DCPS: variants seen among roughly 807,000 people sequenced by gnomAD.
DCPS encodes decapping enzyme, scavenger, also known as m7GpppX diphosphatase.
DCPS carries 27 observed loss-of-function variants against 34.7 expected under a neutral mutation model. The observed-to-expected ratio is 0.78, with a 90% CI of 0.57 to 1.07. The LOEUF is 1.07. DCPS is among the 50% of genes least tolerant of loss of function. The pLI is 0.00. For synonymous variants in DCPS, 185 were observed against 185.7 expected (o/e 1.00, Z 0.03); for missense variants, 464 against 436.9 (o/e 1.06, Z -0.55).
intron 2 of DCPS, among the ~76,000 whole-genome samples, chr11:126,324,915 G>T (rs540030604): frequency 6.6e-6 from 1 of 152,254 alleles, no homozygotes; most frequent in African/African-American, 2.4e-5. Context: ...TGGGCACGGT[G>T]GCTCACACCT....
In DCPS at chr11:126,320,733, A is replaced by T. The variant is rs921558438; in HGVS notation, c.377-10672A>T. On this transcript the variant is annotated intron_variant, in intron 2 of 5. Transcript: ENST00000263579. This position sits in a 1 kb window ranked among gnomAD's most constrained non-coding sequence, Gnocchi z 4.7. The stretch of plus-strand genomic sequence containing the variant: ...CGGGAAGATCACTTCAGTCCAGGAC[A>T]TAGAGGCTGCACTCCAGCCTGGGAG... Among the ~76,000 whole-genome samples the T allele has an allele frequency of 1.3e-5, 2 of 152,178 alleles. No individual in the cohort carries two copies. The highest frequency in any genetic ancestry group is 6.5e-5 in the Admixed American group (1 of 15,276).
intron 2 of DCPS, among the ~76,000 whole-genome samples, chr11:126,318,366 T>C (rs1951678832): frequency 6.6e-6 from 1 of 152,222 alleles, no homozygotes; most frequent in Non-Finnish European, 1.5e-5. Context: ...CCTGCCTTGC[T>C]TGGCCTGGGA....
chr11:126,312,175 C>G lies in DCPS; in HGVS notation c.376+5431C>G, dbSNP rs1276439069. On this transcript the variant is annotated intron_variant, in intron 2 of 5. Coordinates refer to ENST00000263579, the MANE Select transcript of DCPS (RefSeq NM_014026.6). The surrounding 1 kb of genome is among the most constrained non-coding windows in gnomAD (Gnocchi z 5.1). Reference sequence around the variant, plus strand: ...CGGACTCCTGACCTCAGGTGATCCACCTGCCTCGGCCTCCCAGAGTGCTGA... The same window carrying G: ...CGGACTCCTGACCTCAGGTGATCCAGCTGCCTCGGCCTCCCAGAGTGCTGA... Among the ~76,000 whole-genome samples, 1 of 152,102 alleles carries G rather than the reference C, an allele frequency of 6.6e-6. No homozygotes were observed. The highest frequency in any genetic ancestry group is 1.5e-5 in the Non-Finnish European group (1 of 68,026).
intron 1 of DCPS, among the ~76,000 whole-genome samples, chr11:126,305,528 C>T (rs1457254052): frequency 7.3e-6 from 1 of 136,252 alleles, no homozygotes; most frequent in African/African-American, 2.8e-5. Context: ...TCAAGTGATT[C>T]TCCTGCCTCA....
Position 126,313,019 on chromosome 11 carries a change from G to A in DCPS, c.376+6275G>A, listed in dbSNP as rs1350311261. Among the ~76,000 whole-genome samples, 6 of 152,112 alleles carry A rather than the reference G, an allele frequency of 3.9e-5. No individual in the cohort carries two copies. Among genetic ancestry groups the A allele is most frequent in the African/African-American group, 1.4e-4 (6 of 41,394 alleles). ...CTTTCTGCCATAGCTGTCACCCTGC[G>A]GCCTGTCAATGGAGCCCTTTATTGC... On this transcript the variant is annotated intron_variant, in intron 2 of 5. Transcript: ENST00000263579. This position sits in a 1 kb window ranked among gnomAD's most constrained non-coding sequence, Gnocchi z 4.9.
chr11:126,314,308 G>A (rs1041340314), intron 2 of DCPS, among the ~76,000 whole-genome samples: 4 of 152,172 alleles, frequency 2.6e-5, no homozygotes, highest in African/African-American at 9.7e-5. Context: ...AGTATTCCAT[G>A]GTGTATATGT....
chr11:126,339,595 C>T (rs1951861496), intron 4 of DCPS, among the ~76,000 whole-genome samples: 1 of 152,206 alleles, frequency 6.6e-6, no homozygotes, highest in Admixed American at 6.5e-5. Flanking sequence ...GAAGTTGCAG[C>T]ATTGATCGAT....
At position 126,342,708 on chromosome 11, in the gene DCPS, C is replaced by T. The variant is rs868076406; in HGVS notation, c.637-599C>T. On this transcript the variant is annotated intron_variant, in intron 4 of 5. Coordinates refer to ENST00000263579, the MANE Select transcript of DCPS (RefSeq NM_014026.6). This position sits in a 1 kb window ranked among gnomAD's most constrained non-coding sequence, Gnocchi z 4.4. The stretch of plus-strand genomic sequence containing the variant: ...TGCATACATGCGATAAGACTGTAAA[C>T]TCTCGGAGGGAGAGAGTTGCCCTTG... Among the ~76,000 whole-genome samples the T allele has an allele frequency of 2.7e-4, 41 of 152,226 alleles. No individual in the cohort carries two copies. Among genetic ancestry groups the T allele is most frequent in the South Asian group, 8.3e-4 (4 of 4,814 alleles).
intron 1 of DCPS, 58 bp downstream of exon 1, chr11:126,304,339 G>C: frequency 6.3e-7 from 1 of 1,592,892 alleles, no homozygotes; most frequent in Non-Finnish European, 8.6e-7. Context: ...TCATCGCCTC[G>C]GAGGCAGATT....
intron 2 of DCPS, among the ~76,000 whole-genome samples, chr11:126,330,720 T>TATATATATATATA (rs61132101): frequency 1.1e-3 from 22 of 19,512 alleles, no homozygotes; most frequent in Non-Finnish European, 1.3e-3. Context: ...TATATATATA[T>TATATATATATATA]TTTTTTTTTT....
intron 2 of DCPS, among the ~76,000 whole-genome samples, chr11:126,318,175 A>C (rs540214280): frequency 1.3e-5 from 2 of 152,270 alleles, no homozygotes; most frequent in South Asian, 4.1e-4. Flanking sequence ...TCTGTCTCTA[A>C]TAGCAGCTCT....
chr11:126,311,845 G>A (rs1159776799), intron 2 of DCPS, among the ~76,000 whole-genome samples: 2 of 152,322 alleles, frequency 1.3e-5, no homozygotes, highest in African/African-American at 4.8e-5. Flanking sequence ...GCCACTGCCC[G>A]CAGTGAGAGA....
Position 126,335,349 on chromosome 11 carries a change from G to A in DCPS, c.523-2937G>A, listed in dbSNP as rs559706882. ...GCATCACCCTCTGCCCAGTTTATCA[G>A]CAGGGCTGGCCAAGTTCTTGGGCAT... On this transcript the variant is annotated intron_variant, in intron 3 of 5. Transcript: ENST00000263579. This position sits in a 1 kb window ranked among gnomAD's most constrained non-coding sequence, Gnocchi z 4.8. Among the ~76,000 whole-genome samples the A allele has an allele frequency of 6.6e-6, 1 of 152,264 alleles. No individual in the cohort carries two copies. The highest frequency in any genetic ancestry group is 1.5e-5 in the Non-Finnish European group (1 of 68,050).
Position 126,337,885 on chromosome 11 carries a change from G to A in DCPS, c.523-401G>A. 4.8e-6 allele frequency: 1 copy of A among 206,484 alleles called. No individual in the cohort carries two copies. Among genetic ancestry groups the A allele is most frequent in the South Asian group, 8.5e-5 (1 of 11,804 alleles). The allele number at this position is 206,484 out of a possible 1,614,324, so 12.8% of individuals were successfully genotyped here. On this transcript the variant is annotated intron_variant, in intron 3 of 5. Coordinates refer to ENST00000263579, the MANE Select transcript of DCPS (RefSeq NM_014026.6). The surrounding 1 kb of genome is among the most constrained non-coding windows in gnomAD (Gnocchi z 5.3). The stretch of plus-strand genomic sequence containing the variant: ...TCTTTGCCCCATAGTCCTGAATAGA[G>A]TGAAATAGGATCCATGGAGGCAGCT...
chr11:126,324,764 C>T (rs534544671), intron 2 of DCPS, among the ~76,000 whole-genome samples: 43 of 151,542 alleles, frequency 2.8e-4, no homozygotes, highest in African/African-American at 9.5e-4. Context: ...GCATGAGCCA[C>T]TGTGCCTGGC....
chr11:126,320,789 A>AT lies in DCPS; in HGVS notation c.377-10616_377-10615insT, dbSNP rs1214634475. Reference sequence around the variant, plus strand: ...GCCAGACCCTGTCTCCAGAAAAAAAAGGAGAGGAGACAACAAAATTTCCAA... The same window carrying AT: ...GCCAGACCCTGTCTCCAGAAAAAAAATGGAGAGGAGACAACAAAATTTCCAA... On this transcript the variant is annotated intron_variant, in intron 2 of 5. Transcript: ENST00000263579. The surrounding 1 kb of genome is among the most constrained non-coding windows in gnomAD (Gnocchi z 4.7). Among the ~76,000 whole-genome samples, 2 of 152,146 alleles carry AT rather than the reference A, an allele frequency of 1.3e-5. No homozygotes were observed.
intron 2 of DCPS, 149 bp downstream of exon 2, chr11:126,306,893 G>A: frequency 9.9e-7 from 1 of 1,007,870 alleles, no homozygotes; most frequent in Non-Finnish European, 1.4e-6. Context: ...GGCCATCGGT[G>A]AAGACATTTT....
chr11:126,311,123 C>A (rs1185307319), intron 2 of DCPS, among the ~76,000 whole-genome samples: 2 of 152,254 alleles, frequency 1.3e-5, no homozygotes, highest in Non-Finnish European at 2.9e-5. Context: ...ACTCATCCTT[C>A]CAGCTGCAAT....
intron 2 of DCPS, among the ~76,000 whole-genome samples, chr11:126,309,024 C>CTTTT (rs543850318): frequency 1.4e-5 from 2 of 138,402 alleles, no homozygotes; most frequent in Non-Finnish European, 3.1e-5. Flanking sequence ...TTTCCTGCCC[C>CTTTT]TTTTTTTTTT....
Sources: gnomAD v4.1 joint callset for allele counts (sites outside exome capture counted in the v4.1 genomes callset) on GRCh38, gnomAD v4.1.1 for gene constraint, Gnocchi (gnomAD v3.1) non-coding constraint, MANE v1.5 for transcripts, NCBI Gene and HGNC (gene_info 2026-07-23, HGNC 2026-07-21) for gene names.